Variants in ADCK2 observed in about 807,000 individuals in gnomAD.
ADCK2 encodes the protein aarF domain containing kinase 2, also known as uncharacterized aarF domain-containing protein kinase 2.
A neutral mutation model predicts 52.3 loss-of-function variants in ADCK2; 37 were observed. The ratio of observed to expected loss-of-function variants is 0.71; its 90% CI spans 0.54 to 0.93. The LOEUF (loss-of-function observed/expected upper bound fraction) is 0.93. Among genes scored for constraint, ADCK2 ranks in the 40% least tolerant of loss-of-function variants. The pLI is 0.00. For synonymous variants in ADCK2, 321 were observed against 349.2 expected (o/e 0.92, Z 0.90); for missense variants, 695 against 798.7 (o/e 0.87, Z 1.56).
In ADCK2 at chr7:140,679,089, G is replaced by A. The variant is rs1340364919; in HGVS notation, c.1081-66G>A. The A allele has an allele frequency of 2.5e-6, 4 of 1,576,178 alleles. No homozygotes were observed. In the Admixed American group the frequency reaches 6.9e-5, roughly 27 times the overall value. On this transcript the variant is annotated intron_variant, in intron 2 of 7. Coordinates refer to ENST00000072869, the MANE Select transcript of ADCK2 (RefSeq NM_052853.4). Reference sequence around the variant, plus strand: ...GATCTCATGACTTGCTAGCTCCTTGGCATTGCAGATGTCACTGTGCCTGTA... The same window carrying A: ...GATCTCATGACTTGCTAGCTCCTTGACATTGCAGATGTCACTGTGCCTGTA...
chr7:140,686,959 C>T (rs1176033960), intron 4 of ADCK2, 31 bp from the exon 5 acceptor site: 2 of 1,601,966 alleles, frequency 1.2e-6, no homozygotes, highest in Admixed American at 1.7e-5. Flanking sequence ...CTAGGGGCGA[C>T]TCACTCATGA....
intron 7 of ADCK2, 125 bp from the exon 8 acceptor site, chr7:140,694,538 T>C: frequency 1.1e-6 from 1 of 876,806 alleles, no homozygotes; most frequent in Non-Finnish European, 1.8e-6. Context: ...GAATGTCAGG[T>C]AGATGGTAAA....
chr7:140,683,130 G>A (rs1352912448), intron 4 of ADCK2, among the ~76,000 whole-genome samples: 1 of 151,712 alleles, frequency 6.6e-6, no homozygotes, highest in African/African-American at 2.4e-5. Context: ...GTGAAACCCT[G>A]TCTCTACTAA....
At position 140,678,235 on chromosome 7, in the gene ADCK2, G is replaced by A. The variant is rs1343310626; in HGVS notation, c.1081-920G>A. ...TGGCATTGGGCCATTGCTGTGCACG[G>A]AGGGGAAGAGAGAAGGCATGATCTG... On this transcript the variant is annotated intron_variant, in intron 2 of 7. Coordinates refer to ENST00000072869, the MANE Select transcript of ADCK2 (RefSeq NM_052853.4). The surrounding 1 kb of genome is among the most constrained non-coding windows in gnomAD (Gnocchi z 4.9). 6.6e-6 allele frequency among the ~76,000 whole-genome samples: 1 copy of A among 152,198 alleles called. No homozygotes were observed. The highest frequency in any genetic ancestry group is 1.5e-5 in the Non-Finnish European group (1 of 68,030).
At chr7:140,676,229 GGGTCT>G (rs1794413108) in intron 2 of ADCK2, among the ~76,000 whole-genome samples, 2 of 152,120 alleles carry the variant, frequency 1.3e-5, no homozygotes, top group Non-Finnish European at 2.9e-5. Flanking sequence ...AAGGGGTAAG[GGGTCT>G]GTCTTGGGTC....
At position 140,678,914 on chromosome 7, in the gene ADCK2, GC is replaced by G. The variant is rs1794468675; in HGVS notation, c.1081-238del. 6.6e-6 allele frequency among the ~76,000 whole-genome samples: 1 copy of G among 152,202 alleles called. No homozygotes were observed. The highest frequency in any genetic ancestry group is 1.5e-5 in the Non-Finnish European group (1 of 68,038). On this transcript the variant is annotated intron_variant, in intron 2 of 7. Coordinates refer to ENST00000072869, the MANE Select transcript of ADCK2 (RefSeq NM_052853.4). The surrounding 1 kb of genome is among the most constrained non-coding windows in gnomAD (Gnocchi z 4.9). ...GCGAGAGTAGCAGAGAAGCAGTGCA[GC>G]CCAAAGCCCACCAGGGCACCTGCCG...
At chr7:140,689,557 C>A in intron 5 of ADCK2, 40 bp from the exon 6 acceptor site, 2 of 1,555,970 alleles carry the variant, frequency 1.3e-6, no homozygotes, top group Admixed American at 1.8e-5. Context: ...CAGGTTTATG[C>A]TAGCTCCACT....
chr7:140,689,720 G>C lies in ADCK2; in HGVS notation c.1681G>C (p.Glu561Gln). ...GGCCAGGAAGAACACCATCACCCTGGAGAAGGTGGGCAGGTCACTTGCGGA... is the reference window on the plus strand; with the variant it reads ...GGCCAGGAAGAACACCATCACCCTGCAGAAGGTGGGCAGGTCACTTGCGGA... ...TQARKNTITL[E>Q]KLHVSSLLSS... Residue 561 changes from glutamate (E) to glutamine (Q), a missense_variant, in exon 6 of 8, where the codon GAG becomes CAG. By Grantham distance (29) the Glu-to-Gln change is conservative. Coordinates refer to ENST00000072869, the MANE Select transcript of ADCK2 (RefSeq NM_052853.4). 1 of 1,611,274 alleles carries C rather than the reference G, an allele frequency of 6.2e-7. No homozygotes were observed. Among genetic ancestry groups the C allele is most frequent in the Non-Finnish European group, 8.5e-7 (1 of 1,178,332 alleles).
chr7:140,692,887 T>A (rs1794731917), intron 7 of ADCK2, among the ~76,000 whole-genome samples: 1 of 151,824 alleles, frequency 6.6e-6, no homozygotes, highest in Admixed American at 6.6e-5. Context: ...GATCATATGG[T>A]ATGTTTTTAG....
In ADCK2 at chr7:140,687,133, C is replaced by T. The variant is rs1404725569; in HGVS notation, c.1449C>T (p.Ser483=). ...CDTLVVAVPS[S]LCPLRLVLLD... ...CTCTGGTGGTGGCCGTGCCATCTTC[C>T]CTCTGCCCGCTGCGACTGGTGCTGC... The change falls in exon 5 of 8, where the codon TCC becomes TCT. Residue 483 remains serine (S), a synonymous_variant. Transcript: ENST00000072869. The T allele has an allele frequency of 1.2e-6, 2 of 1,613,644 alleles. No individual in the cohort carries two copies. Among genetic ancestry groups the T allele is most frequent in the East Asian group, 2.2e-5 (1 of 44,876 alleles).
rs746817053 is a variant in ADCK2, at chr7:140,673,415, A to C, written c.85A>C (p.Arg29=). The stretch of plus-strand genomic sequence containing the variant: ...GCTCAGACAGGGACTCAGCCTCCTG[A>C]GGCCCTCCGAGTGCCCTCGCGATGC... The part of the protein sequence containing the change: ...FELRQGLSLL[R]PSECPRDARL... Residue 29 remains arginine (R), a synonymous_variant, in exon 1 of 8, where the codon AGG becomes CGG. Transcript: ENST00000072869. This position sits in a 1 kb window ranked among gnomAD's most constrained non-coding sequence, Gnocchi z 6.4. 7.5e-6 allele frequency: 12 copies of C among 1,597,348 alleles called. No homozygotes were observed. The highest frequency in any genetic ancestry group is 3.4e-5 in the South Asian group (3 of 88,992).
rs188386668 is a variant in ADCK2 at position 140,678,770 on chromosome 7, C to T, written c.1081-385C>T. On this transcript the variant is annotated intron_variant, in intron 2 of 7. Transcript: ENST00000072869. The surrounding 1 kb of genome is among the most constrained non-coding windows in gnomAD (Gnocchi z 4.9). Reference sequence around the variant, plus strand: ...ATGAAGGGGTAGCCCTGTGTGGAAGCGCCCACAGCACGCTGGCCCTAATGG... The same window carrying T: ...ATGAAGGGGTAGCCCTGTGTGGAAGTGCCCACAGCACGCTGGCCCTAATGG... 1.3e-5 allele frequency among the ~76,000 whole-genome samples: 2 copies of T among 152,274 alleles called. No homozygotes were observed. The highest frequency in any genetic ancestry group is 1.5e-5 in the Non-Finnish European group (1 of 68,012).
At chr7:140,680,638 T>A (rs139971318) in intron 3 of ADCK2, among the ~76,000 whole-genome samples, 9 of 152,314 alleles carry the variant, frequency 5.9e-5, no homozygotes, top group Non-Finnish European at 1.0e-4. Context: ...TTGTCATCCT[T>A]CTGATAGCTG....
intron 5 of ADCK2, 48 bp from the exon 6 acceptor site, chr7:140,689,548 AG>A (rs770246125): frequency 6.5e-7 from 1 of 1,529,078 alleles, no homozygotes; most frequent in East Asian, 2.4e-5. Context: ...CACCGCATCC[AG>A]GTTTATGCTA....
rs1420038846 is a variant in ADCK2 at position 140,673,301 on chromosome 7, CGGGCCGCCT to C, written c.-22_-14del. On this transcript the variant is annotated 5_prime_UTR_variant, in exon 1 of 8. Transcript: ENST00000072869. This position sits in a 1 kb window ranked among gnomAD's most constrained non-coding sequence, Gnocchi z 6.4. ...GAGCGGGCGCCTCTGAAGTGGAGGG[CGGGCCGCCT>C]GGGCCGCGGGCCTCGGGAGGATGGT... 1 of 1,424,010 alleles carries C rather than the reference CGGGCCGCCT, an allele frequency of 7.0e-7. No individual in the cohort carries two copies. The highest frequency in any genetic ancestry group is 1.5e-5 in the South Asian group (1 of 65,348). The allele number at this position is 1,424,010 out of a possible 1,614,324, so 88.2% of individuals were successfully genotyped here.
chr7:140,684,454 C>G (rs932613346), intron 4 of ADCK2, among the ~76,000 whole-genome samples: 6 of 152,092 alleles, frequency 3.9e-5, no homozygotes, highest in African/African-American at 1.4e-4. Context: ...TCTGGACTTT[C>G]TGGTGGTTGG....
In ADCK2 at chr7:140,673,360, G is replaced by T. The variant is rs750682239; in HGVS notation, c.30G>T (p.Arg10Ser). The T allele has an allele frequency of 2.0e-6, 3 of 1,491,170 alleles. No individual in the cohort carries two copies. Among genetic ancestry groups the T allele is most frequent in the Middle Eastern group, 1.8e-4 (1 of 5,444 alleles). 92.4% of individuals were successfully genotyped at this position (1,491,170 alleles called of 1,614,324 possible). A position where few individuals can be genotyped will look rare whatever the true frequency, so the allele number is the denominator to read the frequency against. Residue 10 changes from arginine (R) to serine (S), a missense_variant, in exon 1 of 8, where the codon AGG (arginine) becomes AGT (serine). Coordinates refer to ENST00000072869, the MANE Select transcript of ADCK2 (RefSeq NM_052853.4). The surrounding 1 kb of genome is among the most constrained non-coding windows in gnomAD (Gnocchi z 6.4). Reference sequence around the variant, plus strand: ...TGGCGCCCTGGCGCGTCTCCGTCAGGGTTTGCCTGTCGCACCTGAGGTGCT... The same window carrying T: ...TGGCGCCCTGGCGCGTCTCCGTCAGTGTTTGCCTGTCGCACCTGAGGTGCT... MVAPWRVSV[R>S]VCLSHLRCFE...
rs1268746277 is a variant in ADCK2, at chr7:140,678,509, G to A, written c.1081-646G>A. 6.6e-6 allele frequency among the ~76,000 whole-genome samples: 1 copy of A among 152,146 alleles called. No individual in the cohort carries two copies. The highest frequency in any genetic ancestry group is 2.4e-5 in the African/African-American group (1 of 41,414). On this transcript the variant is annotated intron_variant, in intron 2 of 7. Transcript: ENST00000072869. The surrounding 1 kb of genome is among the most constrained non-coding windows in gnomAD (Gnocchi z 4.9). Reference sequence around the variant, plus strand: ...CAGGAGAAAGGACATCAGCTCCTGGGGGCACAGGAGACCCAGCCAAGACAG... The same window carrying A: ...CAGGAGAAAGGACATCAGCTCCTGGAGGCACAGGAGACCCAGCCAAGACAG...
intron 6 of ADCK2, among the ~76,000 whole-genome samples, chr7:140,690,006 C>T (rs778150377): frequency 1.2e-4 from 19 of 152,116 alleles, no homozygotes; most frequent in Non-Finnish European, 8.8e-5. Context: ...GGACTGTGGT[C>T]TCCAAGCAGC....
Sources: allele counts gnomAD v4.1 joint callset (sites outside exome capture counted in the v4.1 genomes callset), GRCh38; gene constraint gnomAD v4.1.1; non-coding constraint Gnocchi (gnomAD v3.1); transcripts MANE v1.5; gene names NCBI Gene and HGNC (gene_info 2026-07-23, HGNC 2026-07-21).